GRM3: variants seen among roughly 807,000 people sequenced by gnomAD.
The protein encoded by GRM3 is glutamate metabotropic receptor 3.
GRM3 carries 26 observed loss-of-function variants against 70.5 expected under a neutral mutation model. The observed-to-expected ratio is 0.37, with a 90% confidence interval of 0.27 to 0.51. The LOEUF (loss-of-function observed/expected upper bound fraction) is 0.51, where lower values mean the gene tolerates loss of function less well. GRM3 is among the 20% of genes least tolerant of loss of function. The pLI is 0.93. For synonymous variants in GRM3, 443 were observed against 434.9 expected (o/e 1.02, Z -0.23); for missense variants, 859 against 1,123.8 (o/e 0.76, Z 3.37).
chr7:86,741,519 C>T (rs1230558465), intron 1 of GRM3, among the ~76,000 whole-genome samples: 1 of 152,152 alleles, frequency 6.6e-6, no homozygotes, highest in African/African-American at 2.4e-5. Context: ...TATCTAAAGA[C>T]AGGTGTTTTA....
At chr7:86,777,900 T>C (rs1796935710) in intron 2 of GRM3, among the ~76,000 whole-genome samples, 3 of 152,222 alleles carry the variant, frequency 2.0e-5, no homozygotes, top group Admixed American at 1.3e-4. Flanking sequence ...CTGAGGTCTC[T>C]AAACATCACA....
intron 2 of GRM3, among the ~76,000 whole-genome samples, chr7:86,782,931 A>G (rs1390669228): frequency 1.3e-5 from 2 of 152,184 alleles, no homozygotes; most frequent in Non-Finnish European, 2.9e-5. Flanking sequence ...TCTAATAATA[A>G]CATAATTGGG....
intron 1 of GRM3, among the ~76,000 whole-genome samples, chr7:86,740,158 G>T (rs952716613): frequency 2.0e-5 from 3 of 151,962 alleles, no homozygotes. Flanking sequence ...CAAACCAAAT[G>T]TAAATGAGAA....
chr7:86,774,085 G>T (rs190883797), intron 2 of GRM3, among the ~76,000 whole-genome samples: 1 of 152,252 alleles, frequency 6.6e-6, no homozygotes, highest in East Asian at 1.9e-4. Flanking sequence ...AAATAGGACT[G>T]CTGACACTTC....
chr7:86,717,034 C>T (rs777297624), intron 1 of GRM3, among the ~76,000 whole-genome samples: 1 of 151,866 alleles, frequency 6.6e-6, no homozygotes, highest in Non-Finnish European at 1.5e-5. Context: ...TGCCTCAGTT[C>T]CCTCAATAGT....
chr7:86,848,653 C>T (rs1798701956), intron 4 of GRM3, among the ~76,000 whole-genome samples: 1 of 152,116 alleles, frequency 6.6e-6, no homozygotes, highest in South Asian at 2.1e-4. Flanking sequence ...CAGGCCAAGA[C>T]ATAAGCCCAA....
At chr7:86,726,695 T>G (rs1795600901) in intron 1 of GRM3, among the ~76,000 whole-genome samples, 1 of 152,198 alleles carries the variant, frequency 6.6e-6, no homozygotes, top group Non-Finnish European at 1.5e-5. Context: ...TAAGTTACTT[T>G]TCAAGCACAT....
chr7:86,716,667 C>T (rs1795323852), intron 1 of GRM3, among the ~76,000 whole-genome samples: 1 of 142,632 alleles, frequency 7.0e-6, no homozygotes, highest in African/African-American at 2.6e-5. Context: ...CAATTGGCCA[C>T]TATTCCAGTT....
At chr7:86,645,468 G>T (rs989718204) in intron 1 of GRM3, among the ~76,000 whole-genome samples, 3 of 152,162 alleles carry the variant, frequency 2.0e-5, no homozygotes, top group Admixed American at 1.3e-4. Flanking sequence ...AGCCAGACAG[G>T]GAGCATATCT....
intron 4 of GRM3, among the ~76,000 whole-genome samples, chr7:86,840,539 A>G (rs995675179): frequency 1.6e-4 from 24 of 152,124 alleles, no homozygotes; most frequent in Non-Finnish European, 3.1e-4. Flanking sequence ...ATAATAGGGT[A>G]TTAGTAATAT....
chr7:86,816,487 C>A (rs984950775), intron 3 of GRM3, among the ~76,000 whole-genome samples: 3 of 151,800 alleles, frequency 2.0e-5, no homozygotes, highest in African/African-American at 7.3e-5. Context: ...TTGTTTTCTT[C>A]TTTGTGTTCT....
intron 1 of GRM3, among the ~76,000 whole-genome samples, chr7:86,714,229 T>G (rs1409728402): frequency 1.3e-5 from 2 of 152,034 alleles, no homozygotes; most frequent in Non-Finnish European, 2.9e-5. Flanking sequence ...TAATCCCATT[T>G]TGGCTCTGCC....
At chr7:86,726,682 A>G (rs1795600018) in intron 1 of GRM3, among the ~76,000 whole-genome samples, 1 of 152,112 alleles carries the variant, frequency 6.6e-6, no homozygotes, top group African/African-American at 2.4e-5. Context: ...TCCTCATCTC[A>G]AATAAGTTAC....
At chr7:86,794,587 G>C (rs571533112) in intron 3 of GRM3, among the ~76,000 whole-genome samples, 1 of 152,304 alleles carries the variant, frequency 6.6e-6, no homozygotes, top group South Asian at 2.1e-4. Context: ...TAAAGAACTT[G>C]AAAACTAGTC....
chr7:86,678,517 T>C (rs770381919), intron 1 of GRM3, among the ~76,000 whole-genome samples: 8 of 152,022 alleles, frequency 5.3e-5, no homozygotes, highest in Admixed American at 3.3e-4. Context: ...TGTCTAAGAA[T>C]ACTGTAAAGG....
In GRM3 at chr7:86,786,819, T is replaced by C. The variant is rs1412438647; in HGVS notation, c.1027T>C (p.Tyr343His). 1 of 1,614,168 alleles carries C rather than the reference T, an allele frequency of 6.2e-7. No homozygotes were observed. Among genetic ancestry groups the C allele is most frequent in the Admixed American group, 1.7e-5 (1 of 60,028 alleles). The change falls in exon 3 of 6, where the codon TAC becomes CAC. Residue 343 changes from tyrosine (Y) to histidine (H), a missense_variant. Coordinates refer to ENST00000361669, the MANE Select transcript of GRM3 (RefSeq NM_000840.3). This position sits in a 1 kb window ranked among gnomAD's most constrained non-coding sequence, Gnocchi z 6.0. Reference sequence around the variant, plus strand: ...CCGCTACTTCCAGAGCCTCAACCCCTACAACAACCACCGCAACCCCTGGTT... The same window carrying C: ...CCGCTACTTCCAGAGCCTCAACCCCCACAACAACCACCGCAACCCCTGGTT... ...FDRYFQSLNPYNNHRNPWFRD... is the reference protein window; with the variant it reads ...FDRYFQSLNPHNNHRNPWFRD...
intron 1 of GRM3, among the ~76,000 whole-genome samples, chr7:86,694,546 A>G (rs1480704637): frequency 6.6e-6 from 1 of 151,232 alleles, no homozygotes; most frequent in Non-Finnish European, 1.5e-5. Context: ...AAGAAAGAAA[A>G]GAAAGAAAGA....
Position 86,864,497 on chromosome 7 carries a change from T to G in GRM3, c.*142T>G. ...AGTACGATAAATTATTTTTGAGGAC[T>G]GTATATAGTGATGTGCTAGAACTTT... is the stretch of plus-strand genomic sequence containing the variant. On this transcript the variant is annotated 3_prime_UTR_variant, in exon 6 of 6. Coordinates refer to ENST00000361669, the MANE Select transcript of GRM3 (RefSeq NM_000840.3). 1 of 668,594 alleles carries G rather than the reference T, an allele frequency of 1.5e-6. No homozygotes were observed. Among genetic ancestry groups the G allele is most frequent in the Non-Finnish European group, 2.8e-6 (1 of 361,832 alleles). The allele number at this position is 668,594 out of a possible 1,614,324, so 41.4% of individuals were successfully genotyped here.
chr7:86,824,663 A>G (rs1798195044), intron 3 of GRM3, among the ~76,000 whole-genome samples: 1 of 152,184 alleles, frequency 6.6e-6, no homozygotes, highest in Non-Finnish European at 1.5e-5. Context: ...CATAATTCTC[A>G]CATGTACTAC....
Sources: gnomAD v4.1 joint callset for allele counts (sites outside exome capture counted in the v4.1 genomes callset) on GRCh38, gnomAD v4.1.1 for gene constraint, Gnocchi (gnomAD v3.1) non-coding constraint, MANE v1.5 for transcripts, NCBI Gene and HGNC (gene_info 2026-07-23, HGNC 2026-07-21) for gene names.